SCEL: variants seen among roughly 807,000 people sequenced by gnomAD.
SCEL encodes sciellin.
SCEL carries 113 observed loss-of-function variants against 117.6 expected under a neutral mutation model. The ratio of observed to expected loss-of-function variants is 0.96; its 90% CI spans 0.83 to 1.12. SCEL has a LOEUF of 1.12. Ranked by LOEUF, SCEL falls within the 50% of genes most tolerant of loss-of-function variation. The pLI is 0.00. For missense variants in SCEL, 785 were observed against 810.8 expected, an observed-to-expected ratio of 0.97 and a Z score of 0.39; for synonymous variants, 270 against 256.2, an observed-to-expected ratio of 1.05 and a Z score of -0.51.
intron 1 of SCEL, among the ~76,000 whole-genome samples, chr13:77,552,559 A>C (rs1269409638): frequency 6.6e-6 from 1 of 151,684 alleles, no homozygotes; most frequent in Non-Finnish European, 1.5e-5. Flanking sequence ...TTTTCTTGTA[A>C]ATTTGTTTGA....
chr13:77,619,349 C>T (rs1460638135), intron 27 of SCEL, among the ~76,000 whole-genome samples: 2 of 152,032 alleles, frequency 1.3e-5, no homozygotes, highest in Non-Finnish European at 2.9e-5. Flanking sequence ...ATTCATGCAC[C>T]CTATTTTGTA....
chr13:77,539,498 C>T (rs1157635073), intron 1 of SCEL, among the ~76,000 whole-genome samples: 1 of 151,564 alleles, frequency 6.6e-6, no homozygotes, highest in East Asian at 1.9e-4. Context: ...CAATTTTAGT[C>T]AAAAGTTCCA....
At chr13:77,590,208 C>A (rs1205512986) in intron 10 of SCEL, among the ~76,000 whole-genome samples, 2 of 152,014 alleles carry the variant, frequency 1.3e-5, no homozygotes, top group East Asian at 1.9e-4. Flanking sequence ...TTTGACTGGG[C>A]AGCAGGACCA....
intron 21 of SCEL, 63 bp downstream of exon 21, chr13:77,609,180 G>A: frequency 7.8e-7 from 1 of 1,274,504 alleles, no homozygotes; most frequent in Non-Finnish European, 1.1e-6. Context: ...TATAATTAAA[G>A]CATCATTTCA....
intron 27 of SCEL, among the ~76,000 whole-genome samples, chr13:77,625,764 C>T (rs993955756): frequency 6.6e-6 from 1 of 152,138 alleles, no homozygotes; most frequent in African/African-American, 2.4e-5. Flanking sequence ...TATTTTGCAT[C>T]TTTATCAATA....
intron 18 of SCEL, among the ~76,000 whole-genome samples, chr13:77,603,550 G>A (rs1191123197): frequency 1.3e-5 from 2 of 152,184 alleles, no homozygotes. Flanking sequence ...GGCTGGGCTG[G>A]CACACACAGG....
rs781196928 is a variant in SCEL at position 77,604,321 on chromosome 13, ACAT to A, written c.1098-31_1098-29del. The A allele has an allele frequency of 7.3e-6, 10 of 1,366,228 alleles. No homozygotes were observed. In the Admixed American group the frequency reaches 2.0e-4, roughly 28 times the overall value. The allele number at this position is 1,366,228 out of a possible 1,614,324, so 84.6% of individuals were successfully genotyped here. ...TTCATCTGATTAGTGCTATACTTTA[ACAT>A]CATTCATTAAAATTAATTTCCTTTT... On this transcript the variant is annotated intron_variant, in intron 18 of 32. Transcript: ENST00000349847.
chr13:77,604,511 A>T (rs2087973776), intron 19 of SCEL, 96 bp downstream of exon 19: 2 of 948,174 alleles, frequency 2.1e-6, no homozygotes, highest in Non-Finnish European at 3.0e-6. Flanking sequence ...ATTGGAATTC[A>T]GGCCAAAACA....
intron 9 of SCEL, among the ~76,000 whole-genome samples, chr13:77,581,732 G>A (rs1272739425): frequency 6.6e-6 from 1 of 152,166 alleles, no homozygotes; most frequent in Non-Finnish European, 1.5e-5. Context: ...TCCTAGTATT[G>A]CTGGAAGTTC....
chr13:77,554,334 G>A (rs967431436), intron 1 of SCEL, among the ~76,000 whole-genome samples: 1 of 152,192 alleles, frequency 6.6e-6, no homozygotes, highest in African/African-American at 2.4e-5. Context: ...AAATCCTCAA[G>A]GAAGGTGCAG....
intron 1 of SCEL, among the ~76,000 whole-genome samples, chr13:77,551,593 G>A (rs1027994935): frequency 2.0e-5 from 3 of 152,026 alleles, no homozygotes; most frequent in African/African-American, 7.3e-5. Flanking sequence ...CTTTCCTCTG[G>A]TGTCTCTTTG....
chr13:77,588,729 T>A (rs1048913756), intron 9 of SCEL, among the ~76,000 whole-genome samples: 5 of 152,168 alleles, frequency 3.3e-5, no homozygotes, highest in Admixed American at 6.6e-5. Context: ...AGCCTTTTCT[T>A]GCTGTTTCCA....
At chr13:77,633,210 G>A (rs975549505) in intron 28 of SCEL, among the ~76,000 whole-genome samples, 6 of 151,188 alleles carry the variant, frequency 4.0e-5, no homozygotes, top group African/African-American at 9.7e-5. Context: ...GCCGAGGCGG[G>A]TGGATCATGA....
intron 1 of SCEL, among the ~76,000 whole-genome samples, chr13:77,547,901 A>T (rs2084084200): frequency 6.6e-6 from 1 of 152,096 alleles, no homozygotes; most frequent in African/African-American, 2.4e-5. Context: ...AACCTCTGGG[A>T]TGCTCCCTAG....
chr13:77,627,982 C>A lies in SCEL; in HGVS notation c.1664C>A (p.Ser555Tyr), dbSNP rs767985546. 2 of 1,507,192 alleles carry A rather than the reference C, an allele frequency of 1.3e-6. No individual in the cohort carries two copies. The highest frequency in any genetic ancestry group is 2.8e-5 in the African/African-American group (2 of 72,484). 93.4% of individuals were successfully genotyped at this position (1,507,192 alleles called of 1,614,324 possible). ...QNLENLIEVN[S>Y]HVSENKNGSS... ...CTGGAAAATTTAATTGAAGTAAATT[C>A]TCATGTGTCTGAAAACAAGAATGGA... The change falls in exon 28 of 33, where the codon TCT (serine) becomes TAT (tyrosine). Residue 555 changes from serine (S) to tyrosine (Y), a missense_variant. Ser to Tyr is a moderately radical substitution (Grantham distance 144). Coordinates refer to ENST00000349847, the MANE Select transcript of SCEL (RefSeq NM_144777.3).
chr13:77,593,552 C>A lies in SCEL; in HGVS notation c.731C>A (p.Ser244Ter). The A allele has an allele frequency of 6.2e-7, 1 of 1,613,058 alleles. No individual in the cohort carries two copies. The highest frequency in any genetic ancestry group is 8.5e-7 in the Non-Finnish European group (1 of 1,179,300). Residue 244 changes from serine to a stop codon, truncating the protein, a stop_gained, in exon 12 of 33, where the codon TCA becomes TAA. Transcript: ENST00000349847. LOFTEE classifies it high-confidence loss of function. Reference sequence around the variant, plus strand: ...GATAACATCGTCAAAGTGGCCACTTCACTTCAGAGAAGTGACAAAGGGTGA... The same window carrying A: ...GATAACATCGTCAAAGTGGCCACTTAACTTCAGAGAAGTGACAAAGGGTGA... ...DLDNIVKVATSLQRSDKGEEL... is the reference protein window; with the variant it reads ...DLDNIVKVAT
intron 23 of SCEL, among the ~76,000 whole-genome samples, chr13:77,613,365 A>G (rs979234617): frequency 5.9e-5 from 9 of 152,188 alleles, no homozygotes; most frequent in African/African-American, 2.2e-4. Flanking sequence ...TGATTAGAAT[A>G]TTTTTTGCAT....
intron 21 of SCEL, 152 bp from the exon 22 acceptor site, chr13:77,609,895 A>G (rs1289137174): frequency 2.8e-6 from 1 of 356,312 alleles, no homozygotes; most frequent in Admixed American, 4.7e-5. Context: ...GTATATTCAC[A>G]GTCAACACTG....
chr13:77,550,994 C>T (rs1400819629), intron 1 of SCEL, among the ~76,000 whole-genome samples: 1 of 152,202 alleles, frequency 6.6e-6, no homozygotes, highest in Non-Finnish European at 1.5e-5. Context: ...TGCTCAGGGC[C>T]AGGCAAACCC....
Sources: gnomAD v4.1 joint callset for allele counts (sites outside exome capture counted in the v4.1 genomes callset) on GRCh38, gnomAD v4.1.1 for gene constraint, MANE v1.5 for transcripts, NCBI Gene and HGNC (gene_info 2026-07-23, HGNC 2026-07-21) for gene names.